STIMATE: variants seen among roughly 807,000 people sequenced by gnomAD.
The protein encoded by STIMATE is store-operated calcium entry regulator STIMATE.
Under a neutral mutation model 36.7 loss-of-function variants are expected in STIMATE, and 15 were observed. The ratio of observed to expected loss-of-function variants is 0.41; its 90% CI spans 0.27 to 0.63. The LOEUF (loss-of-function observed/expected upper bound fraction) is 0.63, where lower values mean the gene tolerates loss of function less well. Ranked by LOEUF, STIMATE falls within the 20% of genes least tolerant of loss-of-function variation. The probability of loss-of-function intolerance (pLI) is 0.32; values close to 1 mark genes in which losing one functional copy is unlikely to be tolerated. For missense variants in STIMATE, 305 were observed against 397.3 expected (o/e 0.77, Z 1.98); for synonymous variants, 163 against 162.3 (o/e 1.00, Z -0.03).
chr3:52,847,330 C>G (rs1700925076), intron 4 of STIMATE: 2 of 1,207,314 alleles, frequency 1.7e-6, no homozygotes, highest in Admixed American at 3.3e-5. Context: ...GGGAACACAT[C>G]TGTGGCGAGA....
chr3:52,864,568 G>T (rs541706223), intron 1 of STIMATE, among the ~76,000 whole-genome samples: 42 of 152,274 alleles, frequency 2.8e-4, no homozygotes, highest in African/African-American at 1.0e-3. Flanking sequence ...GCAAATTTCT[G>T]CAGCCAGCTT....
intron 1 of STIMATE, among the ~76,000 whole-genome samples, chr3:52,895,276 G>A (rs1164377087): frequency 6.6e-6 from 1 of 152,172 alleles, no homozygotes; most frequent in Admixed American, 6.5e-5. Flanking sequence ...CCAGTCAGTG[G>A]GCTTCTTCTT....
chr3:52,855,233 C>G (rs1701072423), intron 2 of STIMATE, among the ~76,000 whole-genome samples, 163 bp downstream of exon 2: 1 of 152,138 alleles, frequency 6.6e-6, no homozygotes, highest in Admixed American at 6.5e-5. Flanking sequence ...ATAATATACA[C>G]AGTTCCTAAT....
chr3:52,875,509 T>C (rs1449253958), intron 1 of STIMATE, among the ~76,000 whole-genome samples: 1 of 152,072 alleles, frequency 6.6e-6, no homozygotes, highest in African/African-American at 2.4e-5. Flanking sequence ...TAGATTTCTG[T>C]CCCCGTAACC....
intron 1 of STIMATE, among the ~76,000 whole-genome samples, chr3:52,874,680 G>C (rs757764012): frequency 2.6e-5 from 4 of 152,072 alleles, no homozygotes; most frequent in Non-Finnish European, 4.4e-5. Context: ...GGCCAACATG[G>C]GGAAACCCAG....
chr3:52,867,150 G>A (rs1701325993), intron 1 of STIMATE, among the ~76,000 whole-genome samples: 1 of 152,230 alleles, frequency 6.6e-6, no homozygotes, highest in Non-Finnish European at 1.5e-5. Context: ...AGAGGCTCAT[G>A]AACCTGGCAG....
intron 4 of STIMATE, among the ~76,000 whole-genome samples, chr3:52,847,921 G>A (rs930811852): frequency 2.0e-5 from 3 of 152,172 alleles, no homozygotes; most frequent in Non-Finnish European, 2.9e-5. Context: ...CTTGGACGAC[G>A]GAAGGAGGGG....
intron 1 of STIMATE, among the ~76,000 whole-genome samples, chr3:52,860,848 G>A (rs1701205643): frequency 6.6e-6 from 1 of 152,196 alleles, no homozygotes; most frequent in South Asian, 2.1e-4. Context: ...CCACGTGGTG[G>A]CGGGGGTACT....
intron 1 of STIMATE, among the ~76,000 whole-genome samples, chr3:52,877,885 G>T (rs1482160757): frequency 6.6e-6 from 1 of 152,136 alleles, no homozygotes; most frequent in African/African-American, 2.4e-5. Flanking sequence ...CACGAGGTCA[G>T]GAGATCGAGA....
chr3:52,857,751 ATAT>A (rs1222698404), intron 1 of STIMATE, among the ~76,000 whole-genome samples: 2 of 150,078 alleles, frequency 1.3e-5, no homozygotes, highest in East Asian at 1.9e-4. Context: ...TCTTATAATT[ATAT>A]TATTATTATA....
chr3:52,845,255 C>G (rs762784997), intron 4 of STIMATE, among the ~76,000 whole-genome samples: 1 of 152,168 alleles, frequency 6.6e-6, no homozygotes, highest in African/African-American at 2.4e-5. Flanking sequence ...TTCTTTCTGC[C>G]GGCTGGCAGC....
rs1700772180 is a variant in STIMATE, at chr3:52,840,251, G to T, written c.*243C>A. On this transcript the variant is annotated 3_prime_UTR_variant, in exon 8 of 8. Coordinates refer to ENST00000355083, the MANE Select transcript of STIMATE (RefSeq NM_198563.5). ...AACACAGCTCCTTCCTTGCATATTT[G>T]GTCAGTGTTTGTAGTGCAACTGAAT... The T allele has an allele frequency of 7.9e-6, 3 of 379,508 alleles. No individual in the cohort carries two copies. The highest frequency in any genetic ancestry group is 4.8e-6 in the Non-Finnish European group (1 of 209,500). 23.5% of individuals were successfully genotyped at this position (379,508 alleles called of 1,614,324 possible). A position where few individuals can be genotyped will look rare whatever the true frequency, so the allele number is the denominator to read the frequency against.
rs148370120 is a variant in STIMATE, at chr3:52,876,542, G to A, written c.160+20749C>T. On this transcript the variant is annotated intron_variant, in intron 1 of 7. Coordinates refer to ENST00000355083, the MANE Select transcript of STIMATE (RefSeq NM_198563.5). ...TTCTCCCATCTCTGCCACCCGACAC[G>A]GCAAGACCAACCCTGAATCCTCCTC... Among the ~76,000 whole-genome samples, 344 of 152,210 alleles carry A rather than the reference G, an allele frequency of 2.3e-3. 1 individual carries two copies. The highest frequency in any genetic ancestry group is 4.1e-3 in the Non-Finnish European group (278 of 68,002).
Position 52,857,534 on chromosome 3 carries a change from C to T in STIMATE, c.161-2090G>A, listed in dbSNP as rs1324741927. Among the ~76,000 whole-genome samples, 6 of 152,194 alleles carry T rather than the reference C, an allele frequency of 3.9e-5. No homozygotes were observed. The East Asian group carries it at 9.7e-4, about 25-fold the overall frequency. ...TCCTTCTGCTTCAGGGGAATCTGTCCCCATCACTGTAAAATAAAGGACATC... is the reference window on the plus strand; with the variant it reads ...TCCTTCTGCTTCAGGGGAATCTGTCTCCATCACTGTAAAATAAAGGACATC... On this transcript the variant is annotated intron_variant, in intron 1 of 7. Coordinates refer to ENST00000355083, the MANE Select transcript of STIMATE (RefSeq NM_198563.5).
intron 1 of STIMATE, among the ~76,000 whole-genome samples, chr3:52,896,171 C>G (rs996263009): frequency 6.6e-6 from 1 of 152,144 alleles, no homozygotes; most frequent in Non-Finnish European, 1.5e-5. Context: ...TATAAACAAG[C>G]AAGGTGGCCA....
Position 52,836,753 on chromosome 3 carries a change from T to C in STIMATE, c.*3741A>G, listed in dbSNP as rs1318776164. 8.2e-6 allele frequency: 3 copies of C among 365,254 alleles called. 1 individual carries two copies. The highest frequency in any genetic ancestry group is 6.0e-5 in the South Asian group (3 of 50,042). 22.6% of individuals were successfully genotyped at this position (365,254 alleles called of 1,614,324 possible). A position where few individuals can be genotyped will look rare whatever the true frequency, so the allele number is the denominator to read the frequency against. On this transcript the variant is annotated 3_prime_UTR_variant, in exon 8 of 8. Coordinates refer to ENST00000355083, the MANE Select transcript of STIMATE (RefSeq NM_198563.5). ...GATGGTTTCTTTTTAAAAAAAACTGTAATAAGATGCCAAACTTTATTGTAA... is the reference window on the plus strand; with the variant it reads ...GATGGTTTCTTTTTAAAAAAAACTGCAATAAGATGCCAAACTTTATTGTAA...
chr3:52,847,556 G>T, intron 4 of STIMATE: 1 of 1,289,626 alleles, frequency 7.8e-7, no homozygotes. Context: ...TCTCTTCTAG[G>T]AACAAAAGAC....
chr3:52,861,313 C>A (rs1004716560), intron 1 of STIMATE, among the ~76,000 whole-genome samples: 7 of 152,206 alleles, frequency 4.6e-5, no homozygotes, highest in Non-Finnish European at 8.8e-5. Flanking sequence ...TGCCTCTGCA[C>A]ACAGGTCCCA....
chr3:52,840,677 A>T lies in STIMATE; in HGVS notation c.769-67T>A. 2.2e-6 allele frequency: 3 copies of T among 1,389,894 alleles called. No homozygotes were observed. In the East Asian group the frequency reaches 7.2e-5, roughly 33 times the overall value. The allele number at this position is 1,389,894 out of a possible 1,614,324, so 86.1% of individuals were successfully genotyped here. The stretch of plus-strand genomic sequence containing the variant: ...GGCCTTCTTCATTTGCCCTCCCTGG[A>T]CCCTGGGCCCTTCAAGTCTCATGTT... On this transcript the variant is annotated intron_variant, in intron 7 of 7. Transcript: ENST00000355083.
Sources: allele counts gnomAD v4.1 joint callset (sites outside exome capture counted in the v4.1 genomes callset), GRCh38; gene constraint gnomAD v4.1.1; transcripts MANE v1.5; gene names NCBI Gene and HGNC (gene_info 2026-07-23, HGNC 2026-07-21).